SFSWAP: variants seen among roughly 807,000 people sequenced by gnomAD.
SFSWAP encodes splicing factor SWAP.
In SFSWAP, 17 loss-of-function variants were observed where a neutral mutation model predicts 100.7. The ratio of observed to expected loss-of-function variants is 0.17; its 90% confidence interval spans 0.12 to 0.25. The LOEUF (loss-of-function observed/expected upper bound fraction) is 0.25. Among genes scored for constraint, SFSWAP ranks in the 10% least tolerant of loss-of-function variants. The pLI, the probability that SFSWAP is intolerant of heterozygous loss-of-function variation, is 1.00. For synonymous variants in SFSWAP, 504 were observed against 510.1 expected (o/e 0.99, Z 0.16); for missense variants, 1,005 against 1,262.6 (o/e 0.80, Z 3.09).
At chr12:131,789,959 C>T (rs972993412) in intron 15 of SFSWAP, among the ~76,000 whole-genome samples, 1 of 152,208 alleles carries the variant, frequency 6.6e-6, no homozygotes, top group Non-Finnish European at 1.5e-5. Flanking sequence ...GGAGGTGACA[C>T]TGAAGCAGCG....
intron 10 of SFSWAP, 125 bp from the exon 11 acceptor site, chr12:131,756,348 G>T (rs1882154887): frequency 2.6e-6 from 2 of 773,712 alleles, no homozygotes; most frequent in South Asian, 1.7e-5. Flanking sequence ...TCTGTTCCCA[G>T]TGCTGCTTGG....
rs780193350 is a variant in SFSWAP, at chr12:131,755,378, C to G, written c.1455-8C>G. On this transcript the variant is annotated splice_polypyrimidine_tract_variant and splice_region_variant and intron_variant, in intron 9 of 17. Transcript: ENST00000261674. Reference sequence around the variant, plus strand: ...TAAATGACCCATTTTCTTTCTTTTTCTGCTCAGATTTGAGTTCCTGCAGCC... The same window carrying G: ...TAAATGACCCATTTTCTTTCTTTTTGTGCTCAGATTTGAGTTCCTGCAGCC... 7.5e-6 allele frequency: 12 copies of G among 1,608,332 alleles called. No homozygotes were observed. The Admixed American group carries it at 8.4e-5, about 11-fold the overall frequency.
intron 7 of SFSWAP, among the ~76,000 whole-genome samples, chr12:131,744,655 G>T (rs1176800663): frequency 3.3e-5 from 5 of 152,204 alleles, no homozygotes; most frequent in African/African-American, 9.7e-5. Flanking sequence ...CTGTTACCCA[G>T]TTCCAAAGTC....
intron 15 of SFSWAP, among the ~76,000 whole-genome samples, chr12:131,790,687 A>G (rs1347021862): frequency 6.6e-6 from 1 of 152,226 alleles, no homozygotes; most frequent in African/African-American, 2.4e-5. Flanking sequence ...AATACAATGA[A>G]TGATTAGTTA....
chr12:131,725,412 C>A lies in SFSWAP; in HGVS notation c.614C>A (p.Thr205Asn). The A allele has an allele frequency of 6.2e-7, 1 of 1,614,108 alleles. No homozygotes were observed. The highest frequency in any genetic ancestry group is 8.5e-7 in the Non-Finnish European group (1 of 1,179,994). Reference sequence around the variant, plus strand: ...ATGTGTGTTTTCCCGTAGCCACCAACCGCTAAAATGCACGCCATCATCGAG... The same window carrying A: ...ATGTGTGTTTTCCCGTAGCCACCAAACGCTAAAATGCACGCCATCATCGAG... ...SVPSDVELPP[T>N]AKMHAIIERT... The change falls in exon 5 of 18, where the codon ACC (threonine) becomes AAC (asparagine). Residue 205 changes from threonine (T) to asparagine (N), a missense_variant. Around this residue, in one of 7 missense-constraint regions of SFSWAP, gnomAD observed 237 missense variants for 337.0 expected, o/e 0.70. Transcript: ENST00000261674. The surrounding 1 kb of genome is among the most constrained non-coding windows in gnomAD (Gnocchi z 4.3).
At chr12:131,799,157 C>T (rs1885890339) in intron 17 of SFSWAP, 48 bp downstream of exon 17, 2 of 1,430,926 alleles carry the variant, frequency 1.4e-6, no homozygotes, top group Non-Finnish European at 2.0e-6. Flanking sequence ...ATCAAGGGGC[C>T]TCGTGGTTTC....
chr12:131,778,576 G>GA lies in SFSWAP; in HGVS notation c.2408+246_2408+247insA, dbSNP rs1160271043. ...CTTGTTGCCCAGGCTAGAGTGCAGT[G>GA]GTGCGATCTTGGCTCACTGCAACCT... On this transcript the variant is annotated intron_variant, in intron 14 of 17. Transcript: ENST00000261674. This position sits in a 1 kb window ranked among gnomAD's most constrained non-coding sequence, Gnocchi z 4.2. Among the ~76,000 whole-genome samples, 2 of 152,178 alleles carry GA rather than the reference G, an allele frequency of 1.3e-5. No individual in the cohort carries two copies. The highest frequency in any genetic ancestry group is 4.8e-5 in the African/African-American group (2 of 41,440).
At chr12:131,737,578 C>T (rs1027486823) in intron 7 of SFSWAP, among the ~76,000 whole-genome samples, 1 of 152,180 alleles carries the variant, frequency 6.6e-6, no homozygotes, top group Non-Finnish European at 1.5e-5. Context: ...AAGTGGCCCC[C>T]GTAACATCTT....
chr12:131,779,285 GGGTGGGTGTGTGTGAAGAGGGCGGCGCT>G (rs1884304168), intron 14 of SFSWAP, among the ~76,000 whole-genome samples: 2 of 150,598 alleles, frequency 1.3e-5, no homozygotes, highest in Non-Finnish European at 1.5e-5. Flanking sequence ...AGGGCGGCGC[GGGTGGGTGTGTGTGAAGAGGGCGGCGCT>G]GGTGCAGAAT....
chr12:131,753,489 GTTA>G, intron 8 of SFSWAP, 126 bp downstream of exon 8: 2 of 1,229,912 alleles, frequency 1.6e-6, no homozygotes, highest in Non-Finnish European at 2.2e-6. Flanking sequence ...TGTCTGAGTA[GTTA>G]TTATTCCAAA....
intron 15 of SFSWAP, among the ~76,000 whole-genome samples, chr12:131,795,056 T>C (rs1885527983): frequency 6.6e-6 from 1 of 152,232 alleles, no homozygotes; most frequent in Admixed American, 6.5e-5. Context: ...CAGACAACAA[T>C]TTCACAAAAC....
chr12:131,748,680 A>G (rs1287858669), intron 7 of SFSWAP, among the ~76,000 whole-genome samples: 1 of 152,242 alleles, frequency 6.6e-6, no homozygotes, highest in Non-Finnish European at 1.5e-5. Flanking sequence ...ATAATTAGGC[A>G]GATTTCTCTG....
At chr12:131,752,774 G>A (rs1420297276) in intron 7 of SFSWAP, among the ~76,000 whole-genome samples, 1 of 152,208 alleles carries the variant, frequency 6.6e-6, no homozygotes, top group African/African-American at 2.4e-5. Flanking sequence ...GTGAGCAAAG[G>A]GATGACTGGT....
intron 4 of SFSWAP, among the ~76,000 whole-genome samples, chr12:131,719,871 A>G (rs543534338): frequency 6.6e-6 from 1 of 152,328 alleles, no homozygotes; most frequent in African/African-American, 2.4e-5. Flanking sequence ...ACATAGATGT[A>G]AAAGCACTCA....
At chr12:131,748,997 G>C (rs1349668282) in intron 7 of SFSWAP, among the ~76,000 whole-genome samples, 1 of 152,250 alleles carries the variant, frequency 6.6e-6, no homozygotes, top group Admixed American at 6.5e-5. Flanking sequence ...TGTGGTCCCA[G>C]CTTACTGAGG....
chr12:131,718,328 TA>T (rs1166942577), intron 3 of SFSWAP, among the ~76,000 whole-genome samples: 3 of 152,238 alleles, frequency 2.0e-5, no homozygotes, highest in Non-Finnish European at 4.4e-5. Context: ...TTTGTTTCTT[TA>T]ATGTCATCTG....
intron 15 of SFSWAP, chr12:131,796,526 C>T (rs1234097163): frequency 6.6e-6 from 1 of 152,434 alleles, no homozygotes; most frequent in East Asian, 1.9e-4. Context: ...GGCTCCACTG[C>T]CCAGAGGCTA....
intron 7 of SFSWAP, among the ~76,000 whole-genome samples, chr12:131,741,316 G>A (rs1023239322): frequency 6.6e-6 from 1 of 151,996 alleles, no homozygotes; most frequent in African/African-American, 2.4e-5. Flanking sequence ...TATTTTGTTT[G>A]TTTGTATTTT....
chr12:131,726,642 G>C (rs1180527304), intron 5 of SFSWAP, among the ~76,000 whole-genome samples: 1 of 152,056 alleles, frequency 6.6e-6, no homozygotes, highest in East Asian at 1.9e-4. Flanking sequence ...TCATAAATCA[G>C]TACAATTTTT....
Sources: gnomAD v4.1 joint callset for allele counts (sites outside exome capture counted in the v4.1 genomes callset) on GRCh38, gnomAD v4.1.1 for gene constraint, gnomAD v4.1.1 regional missense constraint, Gnocchi (gnomAD v3.1) non-coding constraint, MANE v1.5 for transcripts, NCBI Gene and HGNC (gene_info 2026-07-23, HGNC 2026-07-21) for gene names.